ZNF804B: variants seen among roughly 807,000 people sequenced by gnomAD.
ZNF804B encodes zinc finger 804B.
ZNF804B carries 80 observed loss-of-function variants against 101.4 expected under a neutral mutation model. The ratio of observed to expected loss-of-function variants is 0.79; its 90% confidence interval spans 0.66 to 0.95. The LOEUF is 0.95. ZNF804B is among the 40% of genes least tolerant of loss of function. The probability of loss-of-function intolerance (pLI) is 0.00; values close to 1 mark genes in which losing one functional copy is unlikely to be tolerated. For synonymous variants in ZNF804B, 622 were observed against 558.8 expected, an observed-to-expected ratio of 1.11 and a Z score of -1.59; for missense variants, 1,673 against 1,561.9, an observed-to-expected ratio of 1.07 and a Z score of -1.20.
chr7:89,247,430 G>T (rs1789466841), intron 2 of ZNF804B, among the ~76,000 whole-genome samples: 1 of 152,178 alleles, frequency 6.6e-6, no homozygotes, highest in Non-Finnish European at 1.5e-5. Flanking sequence ...TCTACTGGCT[G>T]GTAGGTCCAA....
At chr7:88,814,054 T>C (rs578255832) in intron 1 of ZNF804B, among the ~76,000 whole-genome samples, 1 of 152,320 alleles carries the variant, frequency 6.6e-6, no homozygotes, top group East Asian at 1.9e-4. Context: ...GAGAAATGTA[T>C]GCAGAATTGA....
At chr7:88,988,324 CTA>C (rs1201053023) in intron 1 of ZNF804B, among the ~76,000 whole-genome samples, 4 of 151,972 alleles carry the variant, frequency 2.6e-5, no homozygotes, top group African/African-American at 7.2e-5. Context: ...TTTATTTTCT[CTA>C]TTGAAAATGT....
chr7:89,235,090 T>A (rs1789260163), intron 2 of ZNF804B, among the ~76,000 whole-genome samples: 2 of 152,174 alleles, frequency 1.3e-5, no homozygotes, highest in Non-Finnish European at 1.5e-5. Context: ...TTATTTTTAA[T>A]CTGCATGTAA....
intron 1 of ZNF804B, among the ~76,000 whole-genome samples, chr7:89,147,707 T>C (rs1790812064): frequency 6.6e-6 from 1 of 151,958 alleles, no homozygotes; most frequent in South Asian, 2.1e-4. Flanking sequence ...CTCTGCCACC[T>C]GTCAGATCAG....
In ZNF804B at chr7:89,066,941, A is replaced by G. The variant is rs147729481; in HGVS notation, c.109-151214A>G. 3.2e-4 allele frequency among the ~76,000 whole-genome samples: 49 copies of G among 151,932 alleles called. No individual in the cohort carries two copies. The East Asian group carries it at 8.9e-3, about 28-fold the overall frequency. ...TTTGTGGTATTTGTCAATTTCTAAT[A>G]TATATATAAGTATATATATATCTTG... On this transcript the variant is annotated intron_variant, in intron 1 of 3. Transcript: ENST00000333190.
At chr7:89,084,554 G>T (rs1242815249) in intron 1 of ZNF804B, among the ~76,000 whole-genome samples, 2 of 151,906 alleles carry the variant, frequency 1.3e-5, no homozygotes, top group African/African-American at 4.8e-5. Context: ...AGTGACACCA[G>T]CAAATCAGCT....
At chr7:89,102,997 C>G (rs1790079483) in intron 1 of ZNF804B, among the ~76,000 whole-genome samples, 1 of 136,428 alleles carries the variant, frequency 7.3e-6, no homozygotes, top group Non-Finnish European at 1.5e-5. Flanking sequence ...TGGTTATAGA[C>G]AGTGGTTTTA....
intron 1 of ZNF804B, among the ~76,000 whole-genome samples, chr7:88,861,425 G>A (rs1178905316): frequency 6.6e-6 from 1 of 152,156 alleles, no homozygotes; most frequent in African/African-American, 2.4e-5. Flanking sequence ...TGTTCTGGAA[G>A]GATCCAGTGG....
At chr7:89,293,275 C>T (rs1296017544) in intron 2 of ZNF804B, among the ~76,000 whole-genome samples, 1 of 151,832 alleles carries the variant, frequency 6.6e-6, no homozygotes, top group South Asian at 2.1e-4. Context: ...GTTCTCACCA[C>T]AAAAAAGATG....
intron 2 of ZNF804B, among the ~76,000 whole-genome samples, chr7:89,237,308 C>T (rs944468251): frequency 1.5e-4 from 23 of 152,054 alleles, no homozygotes; most frequent in Non-Finnish European, 2.6e-4. Flanking sequence ...GCCATGTTTT[C>T]AGTTAGAAGA....
intron 1 of ZNF804B, among the ~76,000 whole-genome samples, chr7:89,077,212 A>T (rs1475689220): frequency 6.6e-6 from 1 of 152,204 alleles, no homozygotes; most frequent in Non-Finnish European, 1.5e-5. Context: ...GATCATCCAG[A>T]CCTGGAGAAA....
At chr7:89,091,240 G>A (rs1196350220) in intron 1 of ZNF804B, among the ~76,000 whole-genome samples, 1 of 150,804 alleles carries the variant, frequency 6.6e-6, no homozygotes, top group African/African-American at 2.4e-5. Context: ...AAAAAGTAAA[G>A]TCTTTCAAAT....
chr7:89,086,672 G>A (rs927471787), intron 1 of ZNF804B, among the ~76,000 whole-genome samples: 2 of 151,962 alleles, frequency 1.3e-5, no homozygotes, highest in Non-Finnish European at 2.9e-5. Context: ...ATTTGGCAAA[G>A]GTTGTATGAT....
intron 2 of ZNF804B, among the ~76,000 whole-genome samples, chr7:89,241,774 T>C (rs539600843): frequency 6.7e-6 from 1 of 150,324 alleles, no homozygotes; most frequent in South Asian, 2.1e-4. Flanking sequence ...CCATTGCTAG[T>C]CACACATTTT....
At chr7:88,761,665 C>T (rs541857626) in intron 1 of ZNF804B, among the ~76,000 whole-genome samples, 4 of 152,262 alleles carry the variant, frequency 2.6e-5, no homozygotes, top group South Asian at 2.1e-4. Flanking sequence ...TGGTAATCTC[C>T]GTGCCTGTCT....
chr7:89,057,448 A>G (rs1789315366), intron 1 of ZNF804B, among the ~76,000 whole-genome samples: 1 of 152,252 alleles, frequency 6.6e-6, no homozygotes. Context: ...ACTGGAGCTC[A>G]GAGTGAGGGC....
intron 1 of ZNF804B, among the ~76,000 whole-genome samples, chr7:88,869,636 G>A (rs1466465046): frequency 6.6e-6 from 1 of 152,108 alleles, no homozygotes; most frequent in Non-Finnish European, 1.5e-5. Flanking sequence ...TTCAATTTCT[G>A]AGTTTTAATG....
chr7:88,903,434 T>C (rs1792421665), intron 1 of ZNF804B, among the ~76,000 whole-genome samples: 1 of 152,194 alleles, frequency 6.6e-6, no homozygotes, highest in East Asian at 1.9e-4. Flanking sequence ...TGTGTCTTTT[T>C]GGTGTAACAA....
rs1392231734 is a variant in ZNF804B at position 89,338,373 on chromosome 7, A to T, written c.*1341A>T. 6.6e-6 allele frequency among the ~76,000 whole-genome samples: 1 copy of T among 152,058 alleles called. No homozygotes were observed. Among genetic ancestry groups the T allele is most frequent in the African/African-American group, 2.4e-5 (1 of 41,448 alleles). On this transcript the variant is annotated 3_prime_UTR_variant, in exon 4 of 4. Coordinates refer to ENST00000333190, the MANE Select transcript of ZNF804B (RefSeq NM_181646.5). ...GTTACCCTATCCACTTGTTTGCATT[A>T]TCTTCTTTAATTTTCACAACTGTAT...
Sources: allele counts gnomAD v4.1 joint callset (sites outside exome capture counted in the v4.1 genomes callset), GRCh38; gene constraint gnomAD v4.1.1; transcripts MANE v1.5; gene names NCBI Gene and HGNC (gene_info 2026-07-23, HGNC 2026-07-21).